Variants in ARHGEF10L observed in about 807,000 individuals in gnomAD.
The protein encoded by ARHGEF10L is rho guanine nucleotide exchange factor 10-like protein.
In ARHGEF10L, 69 loss-of-function variants were observed where a neutral mutation model predicts 141.2. The observed-to-expected ratio is 0.49, with a 90% CI of 0.40 to 0.60. The LOEUF (loss-of-function observed/expected upper bound fraction) is 0.60, where lower values mean the gene tolerates loss of function less well. Ranked by LOEUF, ARHGEF10L falls within the 20% of genes least tolerant of loss-of-function variation. The pLI is 0.00. For synonymous variants in ARHGEF10L, 711 were observed against 718.5 expected, an observed-to-expected ratio of 0.99 and a Z score of 0.17; for missense variants, 1,482 against 1,734.3, an observed-to-expected ratio of 0.85 and a Z score of 2.58.
chr1:17,537,158 T>C (rs2076587469), upstream of ARHGEF10L, among the ~76,000 whole-genome samples: 1 of 152,098 alleles, frequency 6.6e-6, no homozygotes, highest in Admixed American at 6.5e-5. Flanking sequence ...CCTCCTAAAG[T>C]GCTGGGATTA....
intron 26 of ARHGEF10L, among the ~76,000 whole-genome samples, chr1:17,686,676 T>C (rs1270563793): frequency 1.3e-5 from 2 of 152,120 alleles, no homozygotes; most frequent in Non-Finnish European, 2.9e-5. Context: ...TTGGCTGGCC[T>C]GAAACGTAGG....
chr1:17,554,959 G>A (rs1275332064), intron 1 of ARHGEF10L, among the ~76,000 whole-genome samples: 1 of 152,092 alleles, frequency 6.6e-6, no homozygotes, highest in Non-Finnish European at 1.5e-5. Context: ...TCTCCAATCA[G>A]GAGAACAAGA....
chr1:17,606,928 C>T (rs556664546), intron 6 of ARHGEF10L, among the ~76,000 whole-genome samples: 1 of 152,184 alleles, frequency 6.6e-6, no homozygotes, highest in Non-Finnish European at 1.5e-5. Context: ...TGGGACCTGT[C>T]CCTCCAGACT....
In ARHGEF10L at chr1:17,640,303, G is replaced by A. The variant is rs1571177201; in HGVS notation, c.2272+1G>A. On this transcript the variant is annotated splice_donor_variant, in intron 21 of 28. Transcript: ENST00000361221. LOFTEE classifies it high-confidence loss of function. ...TTACATTTGGCCAAAATCGGACTCC[G>A]TGAGTATAGCCCCAGGGAGAGTGCC... The A allele has an allele frequency of 6.2e-6, 10 of 1,609,362 alleles. No individual in the cohort carries two copies. The highest frequency in any genetic ancestry group is 1.3e-5 in the African/African-American group (1 of 74,834).
At chr1:17,649,180 T>C (rs2101941311) in intron 22 of ARHGEF10L, among the ~76,000 whole-genome samples, 1 of 152,350 alleles carries the variant, frequency 6.6e-6, no homozygotes, top group South Asian at 2.1e-4. Context: ...TGTTTCTCTA[T>C]CCATTTCACA....
chr1:17,572,553 C>G (rs539100012), intron 1 of ARHGEF10L, among the ~76,000 whole-genome samples: 8 of 152,310 alleles, frequency 5.3e-5, no homozygotes, highest in Non-Finnish European at 1.0e-4. Context: ...AAGCCTAAGC[C>G]AGTGGTGGAG....
intron 1 of ARHGEF10L, among the ~76,000 whole-genome samples, chr1:17,557,089 T>A (rs1164092270): frequency 6.8e-6 from 1 of 146,670 alleles, no homozygotes; most frequent in Non-Finnish European, 1.5e-5. Flanking sequence ...AGGCCTATAA[T>A]CCCAGCACTT....
At chr1:17,681,833 G>T (rs1037379381) in intron 26 of ARHGEF10L, among the ~76,000 whole-genome samples, 2 of 152,144 alleles carry the variant, frequency 1.3e-5, no homozygotes, top group Non-Finnish European at 2.9e-5. Context: ...CTTTCCCCCT[G>T]GGGCTTTGTC....
At chr1:17,602,297 T>A in intron 5 of ARHGEF10L, 79 bp downstream of exon 5, 1 of 1,473,156 alleles carries the variant, frequency 6.8e-7, no homozygotes. Context: ...CCAAGAGAGC[T>A]GATGTGGGCT....
At chr1:17,690,067 C>T (rs545069632) in intron 27 of ARHGEF10L, among the ~76,000 whole-genome samples, 1 of 152,310 alleles carries the variant, frequency 6.6e-6, no homozygotes, top group African/African-American at 2.4e-5. Context: ...GGTGAAATGA[C>T]TGGTCTGCTA....
At chr1:17,690,739 C>T (rs2065041011) in intron 27 of ARHGEF10L, among the ~76,000 whole-genome samples, 1 of 152,336 alleles carries the variant, frequency 6.6e-6, no homozygotes, top group East Asian at 1.9e-4. Flanking sequence ...TTCCTCCTGA[C>T]CCCTCATATC....
Position 17,673,990 on chromosome 1 carries a change from G to A in ARHGEF10L, c.3009+9395G>A, listed in dbSNP as rs1283669283. Among the ~76,000 whole-genome samples the A allele has an allele frequency of 2.6e-5, 4 of 152,086 alleles. No homozygotes were observed. The highest frequency in any genetic ancestry group is 1.9e-4 in the East Asian group (1 of 5,194). On this transcript the variant is annotated intron_variant, in intron 26 of 28. Transcript: ENST00000361221. This position sits in a 1 kb window ranked among gnomAD's most constrained non-coding sequence, Gnocchi z 4.1. ...TTCTGAAGCCCCCACCTGGTCTGCC[G>A]TCCTCTGCCCCATCAGCCCCGTGTT...
At chr1:17,636,160 C>A (rs957176583) in intron 18 of ARHGEF10L, among the ~76,000 whole-genome samples, 1 of 152,286 alleles carries the variant, frequency 6.6e-6, no homozygotes, top group Non-Finnish European at 1.5e-5. Flanking sequence ...GCTGGTCATG[C>A]GGTCTAGCAT....
chr1:17,696,819 C>G, intron 28 of ARHGEF10L, 29 bp from the exon 29 acceptor site: 1 of 1,513,302 alleles, frequency 6.6e-7, no homozygotes, highest in Non-Finnish European at 8.9e-7. Context: ...GCCTTTGGGC[C>G]CCTTTCTCTC....
chr1:17,565,031 C>T (rs1481022018), intron 1 of ARHGEF10L, among the ~76,000 whole-genome samples: 1 of 152,212 alleles, frequency 6.6e-6, no homozygotes, highest in Non-Finnish European at 1.5e-5. Context: ...GTGACTCTTA[C>T]CAGCAACAGG....
intron 1 of ARHGEF10L, among the ~76,000 whole-genome samples, chr1:17,576,049 G>A (rs977265933): frequency 3.3e-5 from 5 of 152,118 alleles, no homozygotes; most frequent in African/African-American, 7.2e-5. Context: ...GAAAGAGGCC[G>A]GCCTTTCCTG....
the ARHGEF10L span, among the ~76,000 whole-genome samples, chr1:17,534,512 C>T: frequency 4.3e-3 from 652 of 150,786 alleles, 4 homozygotes; most frequent in African/African-American, 0.015. Context: ...CCACCCACCT[C>T]GGCCTCCCAA....
At chr1:17,686,109 T>TC (rs60487080) in intron 26 of ARHGEF10L, among the ~76,000 whole-genome samples, 2 of 149,866 alleles carry the variant, frequency 1.3e-5, no homozygotes, top group African/African-American at 2.5e-5. Flanking sequence ...TTTCTTTCTT[T>TC]TTTTTTTGCA....
chr1:17,605,016 C>A (rs1316765870), intron 6 of ARHGEF10L: 1 of 152,270 alleles, frequency 6.6e-6, no homozygotes, highest in Admixed American at 6.5e-5. Context: ...ACCCCAGGAT[C>A]CCCATATGCT....
Sources: gnomAD v4.1 joint callset for allele counts (sites outside exome capture counted in the v4.1 genomes callset) on GRCh38, gnomAD v4.1.1 for gene constraint, Gnocchi (gnomAD v3.1) non-coding constraint, MANE v1.5 for transcripts, NCBI Gene and HGNC (gene_info 2026-07-23, HGNC 2026-07-21) for gene names.